SAP30BP: variants seen among roughly 807,000 people sequenced by gnomAD.
The protein encoded by SAP30BP is SAP30-binding protein.
Under a neutral mutation model 46.3 loss-of-function variants are expected in SAP30BP, and 31 were observed. The observed-to-expected ratio is 0.67, with a 90% CI of 0.50 to 0.90. The LOEUF (loss-of-function observed/expected upper bound fraction) is 0.90, where lower values mean the gene tolerates loss of function less well. SAP30BP is among the 40% of genes least tolerant of loss of function. The pLI, the probability that SAP30BP is intolerant of heterozygous loss-of-function variation, is 0.00. For synonymous variants in SAP30BP, 169 were observed against 144.2 expected (o/e 1.17, Z -1.23); for missense variants, 312 against 391.0 (o/e 0.80, Z 1.70).
intron 8 of SAP30BP, among the ~76,000 whole-genome samples, chr17:75,704,307 A>T (rs1002781748): frequency 6.6e-5 from 10 of 152,214 alleles, no homozygotes; most frequent in Non-Finnish European, 1.3e-4. Flanking sequence ...GAAATGTCAA[A>T]GGGCCCAAAC....
rs1450642439 is a variant in SAP30BP at position 75,699,864 on chromosome 17, A to G, written c.389A>G (p.His130Arg). The change falls in exon 5 of 11, where the codon CAC becomes CGC. Residue 130 changes from histidine (H) to arginine (R), a missense_variant. This residue lies in a region of SAP30BP where 296 missense variants were observed against 346.6 expected (regional missense o/e 0.85). Coordinates refer to ENST00000584667, the MANE Select transcript of SAP30BP (RefSeq NM_013260.8). ...PPEPPGRCSN[H>R]LQDKIQKLYE... The stretch of plus-strand genomic sequence containing the variant: ...GAACCCCCTGGCAGATGTTCAAATC[A>G]CTTGCAAGTAAGCATGAGACTCGGC... 6.2e-7 allele frequency: 1 copy of G among 1,611,474 alleles called. No individual in the cohort carries two copies. Among genetic ancestry groups the G allele is most frequent in the African/African-American group, 1.3e-5 (1 of 74,898 alleles).
intron 5 of SAP30BP, among the ~76,000 whole-genome samples, chr17:75,701,254 A>G (rs1020855105): frequency 7.2e-5 from 11 of 152,150 alleles, no homozygotes; most frequent in African/African-American, 2.4e-4. Flanking sequence ...TGGAGAATCT[A>G]TATTTAACCC....
At chr17:75,667,782 G>T (rs1446411789) in intron 1 of SAP30BP, among the ~76,000 whole-genome samples, 1 of 152,242 alleles carries the variant, frequency 6.6e-6, no homozygotes, top group East Asian at 1.9e-4. Context: ...CCCTGGGCTC[G>T]TTGTTTGATG....
chr17:75,691,725 CA>C, intron 3 of SAP30BP: 1 of 338,136 alleles, frequency 3.0e-6, no homozygotes, highest in Admixed American at 4.2e-5. Context: ...AACGAATGGT[CA>C]GTCCCTGTAT....
intron 3 of SAP30BP, among the ~76,000 whole-genome samples, chr17:75,682,420 G>A (rs935251079): frequency 3.3e-5 from 5 of 151,930 alleles, no homozygotes; most frequent in South Asian, 4.2e-4. Flanking sequence ...CCTGACCTCA[G>A]GTGATACACC....
At chr17:75,692,147 G>A in intron 3 of SAP30BP, 1 of 824,398 alleles carries the variant, frequency 1.2e-6, no homozygotes, top group Non-Finnish European at 1.5e-6. Flanking sequence ...AATAGCTGCA[G>A]TGTTCTGAGG....
chr17:75,676,784 A>T (rs569671970), intron 3 of SAP30BP, among the ~76,000 whole-genome samples: 1 of 152,336 alleles, frequency 6.6e-6, no homozygotes, highest in East Asian at 1.9e-4. Context: ...ATTACAGTAT[A>T]TAATTCTAAT....
intron 3 of SAP30BP, chr17:75,692,325 C>T (rs902696686): frequency 1.0e-6 from 1 of 985,444 alleles, no homozygotes; most frequent in Non-Finnish European, 1.2e-6. Context: ...GAGCTCTGCA[C>T]CTGTCCTCGA....
chr17:75,680,179 G>T (rs571424731), intron 3 of SAP30BP, among the ~76,000 whole-genome samples: 1 of 152,056 alleles, frequency 6.6e-6, no homozygotes, highest in South Asian at 2.1e-4. Flanking sequence ...TAGATCTCAC[G>T]CTCTGATCTA....
rs2060483793 is a variant in SAP30BP, at chr17:75,705,588, T to C, written c.661-420T>C. The stretch of plus-strand genomic sequence containing the variant: ...TGATTGAATCTCCCTTCTCTCTCTT[T>C]CCCTCTCCCTTCCAAACCCCAGGCT... On this transcript the variant is annotated intron_variant, in intron 9 of 10. Coordinates refer to ENST00000584667, the MANE Select transcript of SAP30BP (RefSeq NM_013260.8). The C allele has an allele frequency of 3.9e-6, 4 of 1,028,126 alleles. No homozygotes were observed. In the South Asian group the frequency reaches 1.5e-4, roughly 38 times the overall value. 63.7% of individuals were successfully genotyped at this position (1,028,126 alleles called of 1,614,324 possible). A position where few individuals can be genotyped will look rare whatever the true frequency, so the allele number is the denominator to read the frequency against.
intron 3 of SAP30BP, among the ~76,000 whole-genome samples, chr17:75,689,514 G>A (rs1270956968): frequency 6.6e-6 from 1 of 152,154 alleles, no homozygotes; most frequent in Non-Finnish European, 1.5e-5. Context: ...CTTAGGAACT[G>A]GGTGAAAAGC....
chr17:75,687,310 C>G (rs1800213227), intron 3 of SAP30BP, among the ~76,000 whole-genome samples: 1 of 151,830 alleles, frequency 6.6e-6, no homozygotes, highest in African/African-American at 2.4e-5. Flanking sequence ...AGCATTAGGC[C>G]CAGTGTTCGG....
At position 75,679,203 on chromosome 17, in the gene SAP30BP, A is replaced by G. The variant is rs1189911667; in HGVS notation, c.264+7340A>G. ...AGTAGAGACAGGGTTTCACCATGTT[A>G]GCCAGGATGGTCTCGATCTCCTGAC... is the stretch of plus-strand genomic sequence containing the variant. On this transcript the variant is annotated intron_variant, in intron 3 of 10. Coordinates refer to ENST00000584667, the MANE Select transcript of SAP30BP (RefSeq NM_013260.8). Among the ~76,000 whole-genome samples, 4 of 151,930 alleles carry G rather than the reference A, an allele frequency of 2.6e-5. No individual in the cohort carries two copies. The South Asian group carries it at 6.2e-4, about 24-fold the overall frequency.
At chr17:75,703,144 G>GGT in intron 6 of SAP30BP, 167 bp from the exon 7 acceptor site, 1 of 627,514 alleles carries the variant, frequency 1.6e-6, no homozygotes, top group Non-Finnish European at 2.9e-6. Flanking sequence ...CTAGCTAACA[G>GGT]GTCCATCTCC....
chr17:75,703,497 C>G, intron 7 of SAP30BP, 126 bp downstream of exon 7: 2 of 793,318 alleles, frequency 2.5e-6, no homozygotes, highest in Non-Finnish European at 4.2e-6. Context: ...AGCACAGTCC[C>G]TGTCTCTTTT....
chr17:75,703,468 G>T, intron 7 of SAP30BP, 97 bp downstream of exon 7: 2 of 1,053,720 alleles, frequency 1.9e-6, no homozygotes, highest in Non-Finnish European at 2.9e-6. Flanking sequence ...AGGTCCACGT[G>T]GTGGCACGGC....
Position 75,671,820 on chromosome 17 carries a change from A to G in SAP30BP, c.221A>G (p.Asp74Gly). 6.2e-7 allele frequency: 1 copy of G among 1,613,064 alleles called. No homozygotes were observed. Among genetic ancestry groups the G allele is most frequent in the Admixed American group, 1.7e-5 (1 of 60,008 alleles). The change falls in exon 3 of 11, where the codon GAT becomes GGT. Residue 74 changes from aspartate (D) to glycine (G), a missense_variant. By Grantham distance (94) the Asp-to-Gly change is moderately conservative. Transcript: ENST00000584667. ...EEDENSRQSE[D>G]DDSETEKPEA... ...TCTAAATTCTTTGTCTTGTAGGAAGATGACGATTCAGAGACTGAAAAACCT... is the reference window on the plus strand; with the variant it reads ...TCTAAATTCTTTGTCTTGTAGGAAGGTGACGATTCAGAGACTGAAAAACCT...
At chr17:75,694,561 G>C (rs1289962545) in intron 4 of SAP30BP, among the ~76,000 whole-genome samples, 1 of 152,316 alleles carries the variant, frequency 6.6e-6, no homozygotes, top group East Asian at 1.9e-4. Context: ...CGCCTTAGGG[G>C]TGCAACATTT....
At chr17:75,701,277 G>C (rs374686940) in intron 5 of SAP30BP, among the ~76,000 whole-genome samples, 1 of 152,240 alleles carries the variant, frequency 6.6e-6, no homozygotes, top group African/African-American at 2.4e-5. Context: ...ACTGCAGGGG[G>C]AGGCTGCAGG....
Sources: allele counts gnomAD v4.1 joint callset (sites outside exome capture counted in the v4.1 genomes callset), GRCh38; gene constraint gnomAD v4.1.1; regional missense constraint gnomAD v4.1.1; transcripts MANE v1.5; gene names NCBI Gene and HGNC (gene_info 2026-07-23, HGNC 2026-07-21).